The following UNC13A variants were observed in gnomAD, a reference collection of about 807,000 sequenced individuals.
UNC13A encodes protein unc-13 homolog A.
In UNC13A, 61 loss-of-function variants were observed where a neutral mutation model predicts 219.7. The observed-to-expected ratio is 0.28, with a 90% CI of 0.23 to 0.34. The LOEUF is 0.34. UNC13A is among the 10% of genes least tolerant of loss of function. The probability of loss-of-function intolerance (pLI) is 1.00; values close to 1 mark genes in which losing one functional copy is unlikely to be tolerated. For synonymous variants in UNC13A, 920 were observed against 884.6 expected (o/e 1.04, Z -0.71); for missense variants, 1,476 against 2,270.3 (o/e 0.65, Z 7.11).
Position 17,623,692 on chromosome 19 carries a change from TG to T in UNC13A, c.4198-146del. ...GCCCAGCCCAGAAGAGGTGGAAGGA[TG>T]GGAAGTCCGAGCCTCCCCGACCATC... On this transcript the variant is annotated intron_variant, in intron 35 of 43. Transcript: ENST00000519716. 8.4e-6 allele frequency: 4 copies of T among 475,380 alleles called. No homozygotes were observed. The South Asian group carries it at 1.4e-4, about 17-fold the overall frequency. 29.4% of individuals were successfully genotyped at this position (475,380 alleles called of 1,614,324 possible).
At chr19:17,644,503 T>A (rs895626101) in intron 19 of UNC13A, among the ~76,000 whole-genome samples, 1 of 56,954 alleles carries the variant, frequency 1.8e-5, no homozygotes, top group African/African-American at 6.5e-5. Flanking sequence ...TGGATTCCAT[T>A]TTTTTTTTCT....
intron 21 of UNC13A, 148 bp from the exon 22 acceptor site, chr19:17,640,809 C>T (rs748247180): frequency 2.8e-5 from 20 of 720,248 alleles, no homozygotes; most frequent in Middle Eastern, 7.8e-4. Flanking sequence ...TTTGGGTCTC[C>T]GCATCTCCTC....
chr19:17,631,670 A>C (rs1453332255), intron 28 of UNC13A, among the ~76,000 whole-genome samples: 1 of 152,204 alleles, frequency 6.6e-6, no homozygotes, highest in Non-Finnish European at 1.5e-5. Flanking sequence ...CCGAGTTCAA[A>C]TCTCGGGTCT....
chr19:17,649,345 C>G lies in UNC13A; in HGVS notation c.1519-1G>C. The G allele has an allele frequency of 6.3e-7, 1 of 1,593,780 alleles. No homozygotes were observed. Among genetic ancestry groups the G allele is most frequent in the Non-Finnish European group, 8.5e-7 (1 of 1,173,774 alleles). ...CCATGTCGCCATCACTCACCATGGC[C>G]TGAAGTGTCCACGCAGCACATGGGG... On this transcript the variant is annotated splice_acceptor_variant, in intron 13 of 43. Transcript: ENST00000519716. LOFTEE classifies it high-confidence loss of function. The surrounding 1 kb of genome is among the most constrained non-coding windows in gnomAD (Gnocchi z 4.4).
intron 34 of UNC13A, among the ~76,000 whole-genome samples, chr19:17,625,650 C>T (rs1160411865): frequency 6.6e-6 from 1 of 152,134 alleles, no homozygotes; most frequent in African/African-American, 2.4e-5. Flanking sequence ...TCCATCTATG[C>T]ATCAAAACAT....
rs1017653615 is a variant in UNC13A, at chr19:17,649,039, C to G, written c.1525-56G>C. On this transcript the variant is annotated intron_variant, in intron 14 of 43. Transcript: ENST00000519716. The surrounding 1 kb of genome is among the most constrained non-coding windows in gnomAD (Gnocchi z 4.4). ...GGGTTGACATCCATGAGATCACCAC[C>G]AGGAGAGTTCACAGCCACGGATGGG... 3.3e-6 allele frequency: 5 copies of G among 1,517,350 alleles called. No homozygotes were observed. The African/African-American group carries it at 5.6e-5, about 17-fold the overall frequency. The allele number at this position is 1,517,350 out of a possible 1,614,324, so 94.0% of individuals were successfully genotyped here. A position where few individuals can be genotyped will look rare whatever the true frequency, so the allele number is the denominator to read the frequency against.
At chr19:17,628,605 T>C (rs2076809158) in intron 31 of UNC13A, among the ~76,000 whole-genome samples, 1 of 151,800 alleles carries the variant, frequency 6.6e-6, no homozygotes, top group Admixed American at 6.6e-5. Context: ...CACAGCTAGA[T>C]AAAATATGAG....
chr19:17,618,999 G>T lies in UNC13A; in HGVS notation c.4273-37C>A, dbSNP rs368569563. The T allele has an allele frequency of 8.7e-6, 14 of 1,603,728 alleles. No individual in the cohort carries two copies. In the African/African-American group the frequency reaches 1.9e-4, roughly 21 times the overall value. On this transcript the variant is annotated intron_variant, in intron 38 of 43. Transcript: ENST00000519716. Reference sequence around the variant, plus strand: ...AACATACAGCTGGGTGAGGGCAGGGGTGCTACAGCTGACACTCCAGCCCCA... The same window carrying T: ...AACATACAGCTGGGTGAGGGCAGGGTTGCTACAGCTGACACTCCAGCCCCA...
intron 9 of UNC13A, among the ~76,000 whole-genome samples, chr19:17,657,424 C>A (rs1054222227): frequency 7.2e-5 from 11 of 152,198 alleles, no homozygotes; most frequent in African/African-American, 2.7e-4. Flanking sequence ...CCAGGTCAGG[C>A]CCTCTGTTAT....
chr19:17,631,832 C>T (rs1004221801), intron 28 of UNC13A, among the ~76,000 whole-genome samples: 1 of 152,226 alleles, frequency 6.6e-6, no homozygotes, highest in Admixed American at 6.5e-5. Flanking sequence ...GCAACCTCTG[C>T]CTCCTGAGTT....
At chr19:17,631,906 G>A (rs1296532300) in intron 28 of UNC13A, among the ~76,000 whole-genome samples, 2 of 151,986 alleles carry the variant, frequency 1.3e-5, no homozygotes, top group Non-Finnish European at 2.9e-5. Context: ...CATCACACCC[G>A]GATAATTTTT....
intron 5 of UNC13A, 79 bp downstream of exon 5, chr19:17,669,474 T>C: frequency 1.9e-6 from 3 of 1,557,288 alleles, no homozygotes; most frequent in South Asian, 2.4e-5. Context: ...TACCCAGGCC[T>C]GTTCACTCTC....
chr19:17,631,222 T>TCCCTCCCTCCCTCCCTCC (rs59519256), intron 28 of UNC13A, among the ~76,000 whole-genome samples: 1 of 32,334 alleles, frequency 3.1e-5, no homozygotes, highest in Non-Finnish European at 7.0e-5. Flanking sequence ...CTTCCTTCCT[T>TCCCTCCCTCCCTCCCTCC]CTTCCTTCCT....
rs572470146 is a variant in UNC13A at position 17,655,308 on chromosome 19, C to T, written c.1358G>A (p.Arg453His). The change falls in exon 11 of 44, where the codon CGT (arginine) becomes CAT (histidine). Residue 453 changes from arginine (R) to histidine (H), a missense_variant. Coordinates refer to ENST00000519716, the MANE Select transcript of UNC13A (RefSeq NM_001080421.3). ...SMSRAKANWLRAFNKVRMQLQ... is the reference protein window; with the variant it reads ...SMSRAKANWLHAFNKVRMQLQ... Reference sequence around the variant, plus strand: ...CTGCATCCGCACCTTGTTGAAGGCACGCAGCCAGTTGGCCTTGGCCCTGGA... The same window carrying T: ...CTGCATCCGCACCTTGTTGAAGGCATGCAGCCAGTTGGCCTTGGCCCTGGA... 24 of 1,587,926 alleles carry T rather than the reference C, an allele frequency of 1.5e-5. No individual in the cohort carries two copies. Among genetic ancestry groups the T allele is most frequent in the Admixed American group, 1.1e-4 (6 of 56,162 alleles).
chr19:17,654,018 G>A (rs111736282), intron 11 of UNC13A, among the ~76,000 whole-genome samples: 21,238 of 151,252 alleles, frequency 0.14, 1,613 homozygotes, highest in Middle Eastern at 0.17. Context: ...CACTAGAGAC[G>A]GGGTTTCACC....
chr19:17,630,169 C>T lies in UNC13A; in HGVS notation c.3645G>A (p.Gly1215=), dbSNP rs1415516826. The T allele has an allele frequency of 6.4e-7, 1 of 1,551,940 alleles. No individual in the cohort carries two copies. Among genetic ancestry groups the T allele is most frequent in the Non-Finnish European group, 8.7e-7 (1 of 1,147,112 alleles). The part of the protein sequence containing the change: ...KLECPDPQIV[G]HYMRRFAKTI... The stretch of plus-strand genomic sequence containing the variant: ...CCTTGGCAAAGCGCCTCATGTAGTG[C>T]CCCACGATCTGAGGGTCGGGACACT... Residue 1215 remains glycine (G), a synonymous_variant, in exon 30 of 44, where the codon GGG becomes GGA. Transcript: ENST00000519716.
intron 4 of UNC13A, among the ~76,000 whole-genome samples, chr19:17,670,907 G>GTAAAATAAAATAAAA (rs58942725): frequency 0.012 from 1,501 of 128,604 alleles, 19 homozygotes; most frequent in African/African-American, 0.024. Context: ...CCATCTCACA[G>GTAAAATAAAATAAAA]TAAAATAAAA....
chr19:17,664,812 A>G (rs1455862090), intron 7 of UNC13A, among the ~76,000 whole-genome samples: 1 of 151,956 alleles, frequency 6.6e-6, no homozygotes. Flanking sequence ...GCCCTCCTCA[A>G]CCCCGGTTCC....
intron 42 of UNC13A, 61 bp from the exon 43 acceptor site, chr19:17,610,160 T>C (rs2144919621): frequency 1.2e-6 from 2 of 1,606,252 alleles, no homozygotes; most frequent in South Asian, 1.1e-5. Flanking sequence ...AAGTAGATGT[T>C]TGTGGCTCTC....
Sources: allele counts gnomAD v4.1 joint callset (sites outside exome capture counted in the v4.1 genomes callset), GRCh38; gene constraint gnomAD v4.1.1; non-coding constraint Gnocchi (gnomAD v3.1); transcripts MANE v1.5; gene names NCBI Gene and HGNC (gene_info 2026-07-23, HGNC 2026-07-21).